Variants in PIK3CA observed in about 807,000 individuals in gnomAD.
PIK3CA encodes phosphatidylinositol 4,5-bisphosphate 3-kinase catalytic subunit alpha isoform.
In PIK3CA, 27 loss-of-function variants were observed where a neutral mutation model predicts 138.2. The ratio of observed to expected loss-of-function variants is 0.20; its 90% CI spans 0.14 to 0.27. The LOEUF is 0.27. Ranked by LOEUF, PIK3CA falls within the 10% of genes least tolerant of loss-of-function variation. The probability of loss-of-function intolerance (pLI) is 1.00; values close to 1 mark genes in which losing one functional copy is unlikely to be tolerated. For synonymous variants in PIK3CA, 358 were observed against 413.2 expected, an observed-to-expected ratio of 0.87 and a Z score of 1.62; for missense variants, 544 against 1,277.4, an observed-to-expected ratio of 0.43 and a Z score of 8.75.
At chr3:179,211,172 T>A (rs1453043509) in intron 9 of PIK3CA, among the ~76,000 whole-genome samples, 4 of 152,144 alleles carry the variant, frequency 2.6e-5, no homozygotes, top group Non-Finnish European at 5.9e-5. Flanking sequence ...TATAAAAAGT[T>A]AAAATTTATC....
chr3:179,154,132 T>C (rs1349271943), intron 1 of PIK3CA, among the ~76,000 whole-genome samples: 2 of 152,188 alleles, frequency 1.3e-5, no homozygotes, highest in African/African-American at 4.8e-5. Context: ...GGCTTAGAGC[T>C]ATCTTTTTCT....
intron 1 of PIK3CA, among the ~76,000 whole-genome samples, chr3:179,185,615 A>G (rs752681783): frequency 6.6e-6 from 1 of 152,208 alleles, no homozygotes; most frequent in Non-Finnish European, 1.5e-5. Context: ...GGCAGTCATA[A>G]GCTTCAGGTT....
At chr3:179,163,355 G>A (rs899213365) in intron 1 of PIK3CA, among the ~76,000 whole-genome samples, 12 of 152,046 alleles carry the variant, frequency 7.9e-5, no homozygotes, top group Admixed American at 7.2e-4. Flanking sequence ...ACAATCATTC[G>A]TTCGACTCTC....
intron 1 of PIK3CA, among the ~76,000 whole-genome samples, chr3:179,172,623 C>T (rs761585025): frequency 1.1e-4 from 17 of 152,064 alleles, no homozygotes; most frequent in Admixed American, 7.9e-4. Context: ...AAACCATTTA[C>T]AGTAGTATTG....
At chr3:179,194,891 C>T (rs182922998) in intron 1 of PIK3CA, among the ~76,000 whole-genome samples, 22 of 151,986 alleles carry the variant, frequency 1.4e-4, no homozygotes, top group African/African-American at 4.8e-4. Context: ...ACAGTTATCA[C>T]ATTGTTAAAG....
chr3:179,209,049 A>G lies in PIK3CA; in HGVS notation c.1146-546A>G, dbSNP rs186904491. 4.4e-3 allele frequency among the ~76,000 whole-genome samples: 658 copies of G among 148,218 alleles called. 4 individuals are homozygous for G. Among genetic ancestry groups the G allele is most frequent in the Admixed American group, 5.7e-3 (84 of 14,812 alleles). The stretch of plus-strand genomic sequence containing the variant: ...TAGTATATTATATAATATATATTAT[A>G]AATATAAATAAGTTTTTTAGTGACG... On this transcript the variant is annotated intron_variant, in intron 6 of 20. Transcript: ENST00000263967.
chr3:179,213,611 A>G (rs1447932231), intron 9 of PIK3CA, among the ~76,000 whole-genome samples: 2 of 152,240 alleles, frequency 1.3e-5, no homozygotes, highest in Admixed American at 6.5e-5. Context: ...TCTCTGCAGC[A>G]TGTGATGCTA....
At chr3:179,170,070 G>A (rs1333459223) in intron 1 of PIK3CA, among the ~76,000 whole-genome samples, 12 of 87,524 alleles carry the variant, frequency 1.4e-4, no homozygotes, top group South Asian at 5.8e-4. Flanking sequence ...GTGCACACGC[G>A]CGCGCGCACA....
At chr3:179,207,841 G>A (rs1033012684) in intron 6 of PIK3CA, among the ~76,000 whole-genome samples, 15 of 151,808 alleles carry the variant, frequency 9.9e-5, no homozygotes, top group Non-Finnish European at 1.8e-4. Context: ...AAATCATTGC[G>A]GACTTAAGTC....
intron 1 of PIK3CA, among the ~76,000 whole-genome samples, chr3:179,162,102 T>C (rs1292591236): frequency 1.3e-5 from 2 of 152,142 alleles, no homozygotes; most frequent in East Asian, 1.9e-4. Context: ...TGTACAGAAA[T>C]ATACATTTTA....
intron 3 of PIK3CA, among the ~76,000 whole-genome samples, chr3:179,200,562 T>C (rs1045723687): frequency 6.6e-6 from 1 of 152,190 alleles, no homozygotes; most frequent in Non-Finnish European, 1.5e-5. Context: ...TTATTACTAT[T>C]CGTATTTTTC....
chr3:179,187,907 G>T (rs1039421848), intron 1 of PIK3CA, among the ~76,000 whole-genome samples: 2 of 152,144 alleles, frequency 1.3e-5, no homozygotes, highest in African/African-American at 2.4e-5. Context: ...AAAATGCTGG[G>T]ATTATAGGCA....
At position 179,152,246 on chromosome 3, in the gene PIK3CA, A is replaced by G. The variant is rs1030847773; in HGVS notation, c.-77+3643A>G. On this transcript the variant is annotated intron_variant, in intron 1 of 20. Coordinates refer to ENST00000263967, the MANE Select transcript of PIK3CA (RefSeq NM_006218.4). The stretch of plus-strand genomic sequence containing the variant: ...TATAGAGTGGCATTCCACCTCAGAC[A>G]TATACACACACACGCAAAAAATGAA... Among the ~76,000 whole-genome samples, 7 of 152,222 alleles carry G rather than the reference A, an allele frequency of 4.6e-5. No individual in the cohort carries two copies. In the East Asian group the frequency reaches 5.8e-4, roughly 13 times the overall value.
At chr3:179,190,565 G>A (rs531725509) in intron 1 of PIK3CA, among the ~76,000 whole-genome samples, 3 of 152,114 alleles carry the variant, frequency 2.0e-5, no homozygotes, top group Non-Finnish European at 2.9e-5. Context: ...CAAATGTAGA[G>A]GGAAGTTTTG....
At position 179,224,167 on chromosome 3, in the gene PIK3CA, T is replaced by C. The variant is rs757160501; in HGVS notation, c.2274T>C (p.Ala758=). The C allele has an allele frequency of 6.4e-7, 1 of 1,568,992 alleles. No individual in the cohort carries two copies. Among genetic ancestry groups the C allele is most frequent in the East Asian group, 2.3e-5 (1 of 44,426 alleles). The change falls in exon 15 of 21, where the codon GCT becomes GCC. Residue 758 remains alanine (A), a synonymous_variant. Transcript: ENST00000263967. ...LQGFLSPLNP[A]HQLGNLRLEE... ...GCTTTCTGTCTCCTCTAAACCCTGC[T>C]CATCAACTAGGAAACCTCAGGTACT...
intron 1 of PIK3CA, among the ~76,000 whole-genome samples, chr3:179,189,311 A>G (rs1724068976): frequency 6.6e-6 from 1 of 152,224 alleles, no homozygotes. Context: ...TAAATACCTT[A>G]GGATTGTTTC....
chr3:179,152,833 C>A (rs1723046376), intron 1 of PIK3CA, among the ~76,000 whole-genome samples: 1 of 152,106 alleles, frequency 6.6e-6, no homozygotes, highest in Admixed American at 6.5e-5. Context: ...GTCAAACACC[C>A]AGGTGTTAGT....
At chr3:179,173,077 C>T (rs1429689297) in intron 1 of PIK3CA, among the ~76,000 whole-genome samples, 2 of 151,308 alleles carry the variant, frequency 1.3e-5, no homozygotes, top group African/African-American at 4.9e-5. Context: ...GATCTTTTTC[C>T]CGTGATTTAA....
intron 1 of PIK3CA, among the ~76,000 whole-genome samples, chr3:179,176,772 A>G (rs903300908): frequency 2.0e-5 from 3 of 152,186 alleles, no homozygotes; most frequent in East Asian, 1.9e-4. Context: ...TATTGTTGCA[A>G]TGAATATTGT....
Sources: gnomAD v4.1 joint callset for allele counts (sites outside exome capture counted in the v4.1 genomes callset) on GRCh38, gnomAD v4.1.1 for gene constraint, MANE v1.5 for transcripts, NCBI Gene and HGNC (gene_info 2026-07-23, HGNC 2026-07-21) for gene names.